ARRDC4: variants seen among roughly 807,000 people sequenced by gnomAD.
ARRDC4 encodes arrestin domain-containing protein 4.
Under a neutral mutation model 44.6 loss-of-function variants are expected in ARRDC4, and 40 were observed. That is an observed-to-expected ratio of 0.90 (90% confidence interval 0.70 to 1.17). The LOEUF (loss-of-function observed/expected upper bound fraction) is 1.17. Among genes scored for constraint, ARRDC4 ranks in the 50% most tolerant of loss-of-function variants. The probability of loss-of-function intolerance (pLI) is 0.00; values close to 1 mark genes in which losing one functional copy is unlikely to be tolerated. For synonymous variants in ARRDC4, 211 were observed against 221.2 expected (o/e 0.95, Z 0.41); for missense variants, 550 against 559.1 (o/e 0.98, Z 0.16).
chr15:97,969,957 T>A lies in ARRDC4; in HGVS notation c.957T>A (p.Asn319Lys), dbSNP rs1899481768. 1 of 1,612,700 alleles carries A rather than the reference T, an allele frequency of 6.2e-7. No homozygotes were observed. The highest frequency in any genetic ancestry group is 8.5e-7 in the Non-Finnish European group (1 of 1,179,416). The change falls in exon 6 of 8, where the codon AAT (asparagine) becomes AAA (lysine). Residue 319 changes from asparagine to lysine, a missense_variant. Coordinates refer to ENST00000268042, the MANE Select transcript of ARRDC4 (RefSeq NM_183376.3). ...TAGTGATCGGTACAATTCCATATAATGGTTTTGGCAGCAGAAACTCCAGCA... is the reference window on the plus strand; with the variant it reads ...TAGTGATCGGTACAATTCCATATAAAGGTTTTGGCAGCAGAAACTCCAGCA... ...LPLVIGTIPY[N>K]GFGSRNSSIA...
Position 97,967,106 on chromosome 15 carries a change from T to G in ARRDC4, c.523-908T>G, listed in dbSNP as rs1899430301. 6.6e-6 allele frequency among the ~76,000 whole-genome samples: 1 copy of G among 152,252 alleles called. No homozygotes were observed. Among genetic ancestry groups the G allele is most frequent in the African/African-American group, 2.4e-5 (1 of 41,472 alleles). On this transcript the variant is annotated intron_variant, in intron 3 of 7. Transcript: ENST00000268042. The surrounding 1 kb of genome is among the most constrained non-coding windows in gnomAD (Gnocchi z 5.0). ...AGCTGGCCTGGCTTATAGCTGGGAC[T>G]TTAACAGCCGCTTGAAAACCATTTT...
rs1899420662 is a variant in ARRDC4, at chr15:97,966,398, AT to A, written c.522+358del. 6.6e-6 allele frequency among the ~76,000 whole-genome samples: 1 copy of A among 152,200 alleles called. No homozygotes were observed. Among genetic ancestry groups the A allele is most frequent in the Non-Finnish European group, 1.5e-5 (1 of 68,032 alleles). On this transcript the variant is annotated intron_variant, in intron 3 of 7. Coordinates refer to ENST00000268042, the MANE Select transcript of ARRDC4 (RefSeq NM_183376.3). The surrounding 1 kb of genome is among the most constrained non-coding windows in gnomAD (Gnocchi z 4.7). Reference sequence around the variant, plus strand: ...GTGGCCACATTTACAGGACTGGGGTATTCTAAACTCCTCAATAATAGCAGGT... The same window carrying A: ...GTGGCCACATTTACAGGACTGGGGTATCTAAACTCCTCAATAATAGCAGGT...
chr15:97,967,115 C>T lies in ARRDC4; in HGVS notation c.523-899C>T, dbSNP rs1166215708. ...GGCTTATAGCTGGGACTTTAACAGCCGCTTGAAAACCATTTTTGAAAAATT... is the reference window on the plus strand; with the variant it reads ...GGCTTATAGCTGGGACTTTAACAGCTGCTTGAAAACCATTTTTGAAAAATT... On this transcript the variant is annotated intron_variant, in intron 3 of 7. Transcript: ENST00000268042. The surrounding 1 kb of genome is among the most constrained non-coding windows in gnomAD (Gnocchi z 5.0). 1.6e-4 allele frequency among the ~76,000 whole-genome samples: 25 copies of T among 152,250 alleles called. No individual in the cohort carries two copies. The highest frequency in any genetic ancestry group is 1.5e-3 in the Admixed American group (23 of 15,290).
In ARRDC4 at chr15:97,970,619, A is replaced by G; in HGVS notation, c.1076A>G (p.Glu359Gly). 1 of 1,613,322 alleles carries G rather than the reference A, an allele frequency of 6.2e-7. No individual in the cohort carries two copies. The highest frequency in any genetic ancestry group is 8.5e-7 in the Non-Finnish European group (1 of 1,179,504). ...APPNYADVVS[E>G]EEFSRHIPPY... ...CCAAATTATGCAGATGTGGTATCAG[A>G]GGAAGAATTCTCTAGACACATTCCT... The change falls in exon 7 of 8, where the codon GAG becomes GGG. Residue 359 changes from glutamate to glycine, a missense_variant. By Grantham distance (98) the Glu-to-Gly change is moderately conservative (BLOSUM62 -2). Coordinates refer to ENST00000268042, the MANE Select transcript of ARRDC4 (RefSeq NM_183376.3). This position sits in a 1 kb window ranked among gnomAD's most constrained non-coding sequence, Gnocchi z 4.2.
chr15:97,967,083 CT>C lies in ARRDC4; in HGVS notation c.523-930del, dbSNP rs1234871989. ...GAATCATAAAACAGCCGGCACCCAG[CT>C]GGCCTGGCTTATAGCTGGGACTTTA... On this transcript the variant is annotated intron_variant, in intron 3 of 7. Coordinates refer to ENST00000268042, the MANE Select transcript of ARRDC4 (RefSeq NM_183376.3). This position sits in a 1 kb window ranked among gnomAD's most constrained non-coding sequence, Gnocchi z 5.0. Among the ~76,000 whole-genome samples, 1 of 152,230 alleles carries C rather than the reference CT, an allele frequency of 6.6e-6. No individual in the cohort carries two copies. The highest frequency in any genetic ancestry group is 1.5e-5 in the Non-Finnish European group (1 of 68,042).
Position 97,961,030 on chromosome 15 carries a change from C to A in ARRDC4, c.169C>A (p.Leu57Met). Residue 57 changes from leucine to methionine, a missense_variant, in exon 1 of 8, where the codon CTG becomes ATG. Transcript: ENST00000268042. ...GCCGGTGGCCCTGCGCGCGCTGCGC[C>A]TGGAGGCCCAGGGGCGCGCCACCGC... is the stretch of plus-strand genomic sequence containing the variant. ...SEPVALRALR[L>M]EAQGRATAAW... The A allele has an allele frequency of 7.0e-7, 1 of 1,436,822 alleles. No homozygotes were observed. Among genetic ancestry groups the A allele is most frequent in the Non-Finnish European group, 9.1e-7 (1 of 1,095,788 alleles). 89.0% of individuals were successfully genotyped at this position (1,436,822 alleles called of 1,614,324 possible). A position where few individuals can be genotyped will look rare whatever the true frequency, so the allele number is the denominator to read the frequency against.
In ARRDC4 at chr15:97,965,442, C is replaced by T. The variant is rs546217961; in HGVS notation, c.308-158C>T. 6.6e-6 allele frequency among the ~76,000 whole-genome samples: 1 copy of T among 152,112 alleles called. No individual in the cohort carries two copies. Among genetic ancestry groups the T allele is most frequent in the South Asian group, 2.1e-4 (1 of 4,818 alleles). On this transcript the variant is annotated intron_variant, in intron 1 of 7. Coordinates refer to ENST00000268042, the MANE Select transcript of ARRDC4 (RefSeq NM_183376.3). The surrounding 1 kb of genome is among the most constrained non-coding windows in gnomAD (Gnocchi z 5.1). ...ACACATAGACACACGCACACACACCCCCCTTCAAACTTAATTCTCTACATT... is the reference window on the plus strand; with the variant it reads ...ACACATAGACACACGCACACACACCTCCCTTCAAACTTAATTCTCTACATT...
Position 97,970,885 on chromosome 15 carries a change from T to C in ARRDC4, c.1200+142T>C, listed in dbSNP as rs1244913627. ...AATTTGTTTATACAGTGGTAATAGATTATCGCTGATTCATTTGCCAGATTT... is the reference window on the plus strand; with the variant it reads ...AATTTGTTTATACAGTGGTAATAGACTATCGCTGATTCATTTGCCAGATTT... On this transcript the variant is annotated intron_variant, in intron 7 of 7. Coordinates refer to ENST00000268042, the MANE Select transcript of ARRDC4 (RefSeq NM_183376.3). This position sits in a 1 kb window ranked among gnomAD's most constrained non-coding sequence, Gnocchi z 4.2. 8 of 1,085,106 alleles carry C rather than the reference T, an allele frequency of 7.4e-6. No individual in the cohort carries two copies. The Admixed American group carries it at 1.3e-4, about 18-fold the overall frequency. The allele number at this position is 1,085,106 out of a possible 1,614,324, so 67.2% of individuals were successfully genotyped here.
rs909599795 is a variant in ARRDC4 at position 97,970,069 on chromosome 15, A to G, written c.1045+24A>G. ...AGGTAAAATATGTTGGCGTTCTTTC[A>G]TAACGAAGCTTTACCTAGAAAATAC... On this transcript the variant is annotated intron_variant, in intron 6 of 7. Coordinates refer to ENST00000268042, the MANE Select transcript of ARRDC4 (RefSeq NM_183376.3). This position sits in a 1 kb window ranked among gnomAD's most constrained non-coding sequence, Gnocchi z 4.2. 9.4e-6 allele frequency: 15 copies of G among 1,597,610 alleles called. No individual in the cohort carries two copies. Among genetic ancestry groups the G allele is most frequent in the South Asian group, 2.2e-5 (2 of 90,340 alleles).
chr15:97,962,075 GT>G (rs1366848579), intron 1 of ARRDC4, among the ~76,000 whole-genome samples: 8 of 152,132 alleles, frequency 5.3e-5, no homozygotes, highest in Non-Finnish European at 1.2e-4. Flanking sequence ...AAACTTTTAC[GT>G]TTTTGCCATG....
At position 97,969,078 on chromosome 15, in the gene ARRDC4, T is replaced by G. The variant is rs1367030292; in HGVS notation, c.626-45T>G. On this transcript the variant is annotated intron_variant, in intron 4 of 7. Coordinates refer to ENST00000268042, the MANE Select transcript of ARRDC4 (RefSeq NM_183376.3). ...GCCCTAATCCATTGTGGTGAGAACTTTTTCAAGAGTCTCTGAATCCTCCCT... is the reference window on the plus strand; with the variant it reads ...GCCCTAATCCATTGTGGTGAGAACTGTTTCAAGAGTCTCTGAATCCTCCCT... The G allele has an allele frequency of 5.0e-6, 8 of 1,596,344 alleles. No individual in the cohort carries two copies. In the Admixed American group the frequency reaches 1.4e-4, roughly 27 times the overall value.
In ARRDC4 at chr15:97,968,938, T is replaced by G. The variant is rs961061514; in HGVS notation, c.626-185T>G. Among the ~76,000 whole-genome samples, 1 of 152,150 alleles carries G rather than the reference T, an allele frequency of 6.6e-6. No individual in the cohort carries two copies. The highest frequency in any genetic ancestry group is 2.4e-5 in the African/African-American group (1 of 41,436). ...AGTCAATAATGCAATAATTAGAAAA[T>G]AAGATCTACCACAACCTGCAGTGAA... On this transcript the variant is annotated intron_variant, in intron 4 of 7. Coordinates refer to ENST00000268042, the MANE Select transcript of ARRDC4 (RefSeq NM_183376.3). This position sits in a 1 kb window ranked among gnomAD's most constrained non-coding sequence, Gnocchi z 5.4.
intron 1 of ARRDC4, 70 bp downstream of exon 1, chr15:97,961,238 C>T: frequency 7.7e-7 from 1 of 1,305,076 alleles, no homozygotes; most frequent in Non-Finnish European, 9.8e-7. Flanking sequence ...GGAGGCCGCG[C>T]ACCCTCGGGA....
chr15:97,968,250 T>G lies in ARRDC4; in HGVS notation c.625+134T>G. 1 of 428,662 alleles carries G rather than the reference T, an allele frequency of 2.3e-6. No individual in the cohort carries two copies. Among genetic ancestry groups the G allele is most frequent in the Non-Finnish European group, 4.0e-6 (1 of 253,046 alleles). The allele number at this position is 428,662 out of a possible 1,614,324, so 26.6% of individuals were successfully genotyped here. A position where few individuals can be genotyped will look rare whatever the true frequency, so the allele number is the denominator to read the frequency against. On this transcript the variant is annotated intron_variant, in intron 4 of 7. Coordinates refer to ENST00000268042, the MANE Select transcript of ARRDC4 (RefSeq NM_183376.3). This position sits in a 1 kb window ranked among gnomAD's most constrained non-coding sequence, Gnocchi z 5.4. ...TTAAAACATGAATAGTGATACATTT[T>G]TTATATAAATAATTGATATTTAAGT...
Position 97,960,953 on chromosome 15 carries a change from G to C in ARRDC4, c.92G>C (p.Cys31Ser), listed in dbSNP as rs1031467133. The C allele has an allele frequency of 2.0e-6, 3 of 1,469,306 alleles. No individual in the cohort carries two copies. The highest frequency in any genetic ancestry group is 1.3e-5 in the South Asian group (1 of 76,392). 91.0% of individuals were successfully genotyped at this position (1,469,306 alleles called of 1,614,324 possible). Residue 31 changes from cysteine (C) to serine (S), a missense_variant, in exon 1 of 8, where the codon TGC (cysteine) becomes TCC (serine). Physicochemically the swap from Cys to Ser is moderately radical, Grantham distance 112. Transcript: ENST00000268042. ...GLVFEDERKG[C>S]YSSGETVAGH... ...GTGTTCGAGGACGAGCGCAAGGGCT[G>C]CTATTCCAGCGGCGAGACAGTGGCC... is the stretch of plus-strand genomic sequence containing the variant.
At chr15:97,962,690 G>C (rs1174495847) in intron 1 of ARRDC4, among the ~76,000 whole-genome samples, 1 of 152,038 alleles carries the variant, frequency 6.6e-6, no homozygotes, top group Non-Finnish European at 1.5e-5. Context: ...TCTTAAACTT[G>C]TTTTAGAATG....
Position 97,970,868 on chromosome 15 carries a change from T to A in ARRDC4, c.1200+125T>A. On this transcript the variant is annotated intron_variant, in intron 7 of 7. Coordinates refer to ENST00000268042, the MANE Select transcript of ARRDC4 (RefSeq NM_183376.3). The surrounding 1 kb of genome is among the most constrained non-coding windows in gnomAD (Gnocchi z 4.2). Reference sequence around the variant, plus strand: ...AGTAAGGGATACATTTAAATTTGTTTATACAGTGGTAATAGATTATCGCTG... The same window carrying A: ...AGTAAGGGATACATTTAAATTTGTTAATACAGTGGTAATAGATTATCGCTG... 2 of 1,192,376 alleles carry A rather than the reference T, an allele frequency of 1.7e-6. No homozygotes were observed. The highest frequency in any genetic ancestry group is 3.1e-5 in the South Asian group (2 of 65,468). 73.9% of individuals were successfully genotyped at this position (1,192,376 alleles called of 1,614,324 possible).
rs1273940637 is a variant in ARRDC4, at chr15:97,965,064, C to A, written c.308-536C>A. ...TATATATGTATGTTGGAGTTCTGAACCTTAGCACTTTAGTAATTGGTCTAT... is the reference window on the plus strand; with the variant it reads ...TATATATGTATGTTGGAGTTCTGAAACTTAGCACTTTAGTAATTGGTCTAT... On this transcript the variant is annotated intron_variant, in intron 1 of 7. Coordinates refer to ENST00000268042, the MANE Select transcript of ARRDC4 (RefSeq NM_183376.3). This position sits in a 1 kb window ranked among gnomAD's most constrained non-coding sequence, Gnocchi z 5.1. Among the ~76,000 whole-genome samples the A allele has an allele frequency of 6.6e-6, 1 of 151,386 alleles. No individual in the cohort carries two copies. Among genetic ancestry groups the A allele is most frequent in the Non-Finnish European group, 1.5e-5 (1 of 67,918 alleles).
chr15:97,971,018 C>A, intron 7 of ARRDC4, 113 bp from the exon 8 acceptor site: 1 of 1,228,484 alleles, frequency 8.1e-7, no homozygotes, highest in Non-Finnish European at 1.2e-6. Context: ...CCTTCTGGGA[C>A]TTACACAGGC....
Sources: allele counts gnomAD v4.1 joint callset (sites outside exome capture counted in the v4.1 genomes callset), GRCh38; gene constraint gnomAD v4.1.1; non-coding constraint Gnocchi (gnomAD v3.1); transcripts MANE v1.5; gene names NCBI Gene and HGNC (gene_info 2026-07-23, HGNC 2026-07-21).